Variants in SLCO2A1 observed in about 807,000 individuals in gnomAD.
SLCO2A1 encodes matrin F/G 1.
A neutral mutation model predicts 71.7 loss-of-function variants in SLCO2A1; 60 were observed. The observed-to-expected ratio is 0.84, with a 90% CI of 0.68 to 1.04. The LOEUF is 1.04. Ranked by LOEUF, SLCO2A1 falls within the 50% of genes least tolerant of loss-of-function variation. SLCO2A1 has a pLI of 0.00. For synonymous variants in SLCO2A1, 308 were observed against 326.7 expected (o/e 0.94, Z 0.62); for missense variants, 745 against 813.4 (o/e 0.92, Z 1.02).
intron 2 of SLCO2A1, among the ~76,000 whole-genome samples, chr3:133,977,565 C>G (rs1934490907): frequency 1.3e-5 from 2 of 152,112 alleles, no homozygotes; most frequent in Non-Finnish European, 2.9e-5. Context: ...ACCTCACATG[C>G]CAGCTCTGAC....
At chr3:133,958,736 T>C (rs1933959647) in intron 3 of SLCO2A1, among the ~76,000 whole-genome samples, 1 of 152,240 alleles carries the variant, frequency 6.6e-6, no homozygotes, top group Non-Finnish European at 1.5e-5. Context: ...ACATATACTT[T>C]GCATCCATAA....
At chr3:133,963,081 C>T (rs1001457440) in intron 3 of SLCO2A1, among the ~76,000 whole-genome samples, 3 of 152,140 alleles carry the variant, frequency 2.0e-5, no homozygotes, top group African/African-American at 7.2e-5. Flanking sequence ...AGAAACAGGC[C>T]GGACCTCTTC....
At chr3:134,023,787 T>C (rs1935644313) in intron 1 of SLCO2A1, among the ~76,000 whole-genome samples, 1 of 152,254 alleles carries the variant, frequency 6.6e-6, no homozygotes, top group African/African-American at 2.4e-5. Context: ...GTTATGCTTG[T>C]GCACATGGCA....
In SLCO2A1 at chr3:133,973,781, G is replaced by T; in HGVS notation, c.279C>A (p.Ser93Arg). The T allele has an allele frequency of 6.2e-7, 1 of 1,613,964 alleles. No homozygotes were observed. Among genetic ancestry groups the T allele is most frequent in the Non-Finnish European group, 8.5e-7 (1 of 1,179,970 alleles). The change falls in exon 3 of 14, where the codon AGC becomes AGA. Residue 93 changes from serine (S) to arginine (R), a missense_variant. Coordinates refer to ENST00000310926, the MANE Select transcript of SLCO2A1 (RefSeq NM_005630.3). ...ILIIFVSYFGSRVHRPRLIGI... is the reference protein window; with the variant it reads ...ILIIFVSYFGRRVHRPRLIGI... ...CAATCAGACGTGGACGGTGCACCCGGCTGCCAAAGTAGCTGACAAAGATGA... is the reference window on the plus strand; with the variant it reads ...CAATCAGACGTGGACGGTGCACCCGTCTGCCAAAGTAGCTGACAAAGATGA...
chr3:133,940,586 A>C (rs543969721), intron 11 of SLCO2A1, among the ~76,000 whole-genome samples: 1 of 152,072 alleles, frequency 6.6e-6, no homozygotes, highest in Non-Finnish European at 1.5e-5. Context: ...TCTCCTCATC[A>C]TGGCCTCATG....
intron 1 of SLCO2A1, among the ~76,000 whole-genome samples, chr3:134,009,201 A>G (rs1351044258): frequency 6.6e-6 from 1 of 152,222 alleles, no homozygotes; most frequent in East Asian, 1.9e-4. Flanking sequence ...TGAAATTCAC[A>G]AAGACAAAAA....
At chr3:134,006,031 G>C (rs952682309) in intron 1 of SLCO2A1, among the ~76,000 whole-genome samples, 1 of 151,970 alleles carries the variant, frequency 6.6e-6, no homozygotes, top group Non-Finnish European at 1.5e-5. Context: ...GTGATAAAAT[G>C]TGTGTAACAT....
At chr3:134,004,093 C>CGT (rs71139603) in intron 1 of SLCO2A1, among the ~76,000 whole-genome samples, 1,870 of 149,566 alleles carry the variant, frequency 0.013, 47 homozygotes, top group African/African-American at 0.045. Flanking sequence ...TGAATCTCTT[C>CGT]GTGTGTGTGT....
intron 3 of SLCO2A1, among the ~76,000 whole-genome samples, chr3:133,957,425 G>A (rs1212029269): frequency 1.3e-5 from 2 of 152,144 alleles, no homozygotes; most frequent in Non-Finnish European, 2.9e-5. Context: ...GGGTTACTGT[G>A]AGCAGGAGAC....
chr3:134,013,486 TTCTG>T (rs1935383105), intron 1 of SLCO2A1, among the ~76,000 whole-genome samples: 3 of 152,188 alleles, frequency 2.0e-5, no homozygotes, highest in African/African-American at 7.2e-5. Context: ...CTCTAGCTGG[TTCTG>T]TCTGACGGTG....
intron 1 of SLCO2A1, among the ~76,000 whole-genome samples, chr3:133,982,606 T>C (rs188196564): frequency 1.3e-5 from 2 of 152,280 alleles, no homozygotes; most frequent in African/African-American, 2.4e-5. Context: ...TCCTTCTTGA[T>C]GTCCCTCCTC....
chr3:133,948,909 C>G lies in SLCO2A1; in HGVS notation c.924G>C (p.Leu308=). The G allele has an allele frequency of 6.2e-7, 1 of 1,614,148 alleles. No individual in the cohort carries two copies. Among genetic ancestry groups the G allele is most frequent in the Non-Finnish European group, 8.5e-7 (1 of 1,179,982 alleles). The part of the protein sequence containing the change: ...KLEEAKSRGS[L]VDFIKRFPCI... ...GTCAGTTACGTTTAATGAAATCCACCAGGGAGCCTCTTGACTTGGCCTCCT... is the reference window on the plus strand; with the variant it reads ...GTCAGTTACGTTTAATGAAATCCACGAGGGAGCCTCTTGACTTGGCCTCCT... Residue 308 remains leucine, a synonymous_variant, in exon 7 of 14, where the codon CTG becomes CTC. Coordinates refer to ENST00000310926, the MANE Select transcript of SLCO2A1 (RefSeq NM_005630.3).
intron 1 of SLCO2A1, among the ~76,000 whole-genome samples, chr3:134,012,623 A>G (rs2108075339): frequency 6.6e-6 from 1 of 152,364 alleles, no homozygotes; most frequent in Non-Finnish European, 1.5e-5. Flanking sequence ...AGATGTTGAA[A>G]AACACTGTAA....
At chr3:133,945,304 A>G (rs952252505) in intron 9 of SLCO2A1, 44 bp from the exon 10 acceptor site, 1 of 1,561,570 alleles carries the variant, frequency 6.4e-7, no homozygotes. Flanking sequence ...AAGCAAGACC[A>G]AAGAAAAACC....
intron 1 of SLCO2A1, among the ~76,000 whole-genome samples, chr3:134,003,867 C>T (rs1935150377): frequency 6.6e-6 from 1 of 152,032 alleles, no homozygotes; most frequent in Non-Finnish European, 1.5e-5. Flanking sequence ...TTTGGGTGGG[C>T]CAGACTCAAT....
intron 11 of SLCO2A1, among the ~76,000 whole-genome samples, chr3:133,938,893 TG>T (rs1342884516): frequency 6.6e-6 from 1 of 150,646 alleles, no homozygotes; most frequent in Non-Finnish European, 1.5e-5. Context: ...AGGCTAGGAG[TG>T]GAGAGAAGGA....
At chr3:133,958,374 G>C (rs755353833) in intron 3 of SLCO2A1, among the ~76,000 whole-genome samples, 2 of 152,248 alleles carry the variant, frequency 1.3e-5, no homozygotes, top group African/African-American at 4.8e-5. Context: ...CTGGTGGGCA[G>C]AGTGTTAGGC....
At chr3:133,975,438 T>C (rs897271257) in intron 2 of SLCO2A1, among the ~76,000 whole-genome samples, 1 of 152,198 alleles carries the variant, frequency 6.6e-6, no homozygotes, top group Non-Finnish European at 1.5e-5. Flanking sequence ...TCTGAATTAC[T>C]GTGGTAGCCT....
intron 3 of SLCO2A1, among the ~76,000 whole-genome samples, chr3:133,962,283 T>C (rs1438510901): frequency 6.6e-6 from 1 of 152,132 alleles, no homozygotes; most frequent in Non-Finnish European, 1.5e-5. Context: ...TTTCACCATG[T>C]TGGCCAGGCT....
Sources: gnomAD v4.1 joint callset for allele counts (sites outside exome capture counted in the v4.1 genomes callset) on GRCh38, gnomAD v4.1.1 for gene constraint, MANE v1.5 for transcripts, NCBI Gene and HGNC (gene_info 2026-07-23, HGNC 2026-07-21) for gene names.